The following CELF2 variants were observed in gnomAD, a reference collection of about 807,000 sequenced individuals.
CELF2 encodes CUG triplet repeat RNA-binding protein 2.
Under a neutral mutation model 62.6 loss-of-function variants are expected in CELF2, and 8 were observed. The observed-to-expected ratio is 0.13, with a 90% CI of 0.07 to 0.23. The LOEUF is 0.23. CELF2 is among the 10% of genes least tolerant of loss of function. The probability of loss-of-function intolerance (pLI) is 1.00; values close to 1 mark genes in which losing one functional copy is unlikely to be tolerated. For missense variants in CELF2, 333 were observed against 671.0 expected (o/e 0.50, Z 5.56); for synonymous variants, 258 against 250.0 (o/e 1.03, Z -0.30).
chr10:10,787,681 G>A, the CELF2 span, among the ~76,000 whole-genome samples: 2 of 152,124 alleles, frequency 1.3e-5, no homozygotes, highest in Non-Finnish European at 2.9e-5. Flanking sequence ...GTAAAGTCAG[G>A]GCTCTGTAGT....
chr10:10,499,246 A>G, the CELF2 span, among the ~76,000 whole-genome samples: 1 of 151,814 alleles, frequency 6.6e-6, no homozygotes, highest in African/African-American at 2.4e-5. Context: ...TTCTATTTTT[A>G]GTAGAGTTGG....
intron 2 of CELF2, among the ~76,000 whole-genome samples, chr10:11,180,547 G>A (rs1397618889): frequency 1.3e-5 from 2 of 152,156 alleles, no homozygotes. Context: ...CATGAAGGGG[G>A]CCCTTCCAGG....
chr10:10,890,734 G>T (rs1442035913), intron 1 of CELF2, among the ~76,000 whole-genome samples: 1 of 152,218 alleles, frequency 6.6e-6, no homozygotes, highest in South Asian at 2.1e-4. Flanking sequence ...ACCAGCATAG[G>T]CTGGGCGCTG....
At chr10:10,651,568 C>A in the CELF2 span, among the ~76,000 whole-genome samples, 4 of 135,898 alleles carry the variant, frequency 2.9e-5, no homozygotes, top group Non-Finnish European at 6.5e-5. Flanking sequence ...TGACCCCTGA[C>A]CCCCGAGCAG....
the CELF2 span, among the ~76,000 whole-genome samples, chr10:10,741,492 CAAAA>C: frequency 0.25 from 13,750 of 55,810 alleles, 389 homozygotes; most frequent in Non-Finnish European, 0.27. Flanking sequence ...GACTCCGTCT[CAAAA>C]AAAAAAAAAA....
Position 11,062,945 on chromosome 10 carries a change from C to G in CELF2, c.74+44782C>G, listed in dbSNP as rs543948318. Among the ~76,000 whole-genome samples, 16 of 152,258 alleles carry G rather than the reference C, an allele frequency of 1.1e-4. No homozygotes were observed. The South Asian group carries it at 1.7e-3, about 16-fold the overall frequency. ...TGCCACATCCTTCAGCAGCACCCCC[C>G]CCGCCATCAGTCAGTAGCCATCAGC... On this transcript the variant is annotated intron_variant, in intron 1 of 12. Coordinates refer to ENST00000633077, the MANE Select transcript of CELF2 (RefSeq NM_001326342.2).
intron 1 of CELF2, among the ~76,000 whole-genome samples, chr10:10,878,631 T>A (rs1242273916): frequency 1.3e-5 from 2 of 152,180 alleles, no homozygotes; most frequent in Non-Finnish European, 2.9e-5. Context: ...CTCAAGTTGG[T>A]CATTTGTGCT....
At chr10:10,999,119 CT>C (rs2136940819) in intron 2 of CELF2, among the ~76,000 whole-genome samples, 1 of 152,264 alleles carries the variant, frequency 6.6e-6, no homozygotes, top group South Asian at 2.1e-4. Context: ...CTTTTTGTCT[CT>C]CCCTGTTCTA....
the CELF2 span, among the ~76,000 whole-genome samples, chr10:10,544,574 G>A: frequency 6.6e-6 from 1 of 152,208 alleles, no homozygotes; most frequent in East Asian, 1.9e-4. Flanking sequence ...ATAAAGCTAT[G>A]AGTATACTAC....
intron 2 of CELF2, among the ~76,000 whole-genome samples, chr10:11,183,484 T>C (rs954708032): frequency 1.3e-5 from 2 of 152,260 alleles, no homozygotes; most frequent in Non-Finnish European, 2.9e-5. Flanking sequence ...GGCTGTATCA[T>C]ATAGTAGGTT....
chr10:11,089,030 A>T (rs1055925890), intron 1 of CELF2, among the ~76,000 whole-genome samples: 1 of 152,188 alleles, frequency 6.6e-6, no homozygotes, highest in Non-Finnish European at 1.5e-5. Flanking sequence ...GGAGCCTTCT[A>T]GTAGAACCAG....
At chr10:10,794,096 C>T (rs924520895), upstream of CELF2, among the ~76,000 whole-genome samples, 2 of 152,084 alleles carry the variant, frequency 1.3e-5, no homozygotes, top group African/African-American at 4.8e-5. Context: ...TATCTTGGAA[C>T]CCTTGACTAT....
chr10:10,574,919 T>G, the CELF2 span, among the ~76,000 whole-genome samples: 4 of 148,724 alleles, frequency 2.7e-5, no homozygotes, highest in Admixed American at 2.7e-4. Flanking sequence ...GGTTTCACCA[T>G]GTTGGCCAGG....
rs868147113 is a variant in CELF2, at chr10:11,223,734, G to A, written c.354+6227G>A. ...CAGAGTGTAGACCCAGCCCCAAGTC[G>A]GGCTCAGCCAGGTGCAACAGGATGG... On this transcript the variant is annotated intron_variant, in intron 3 of 12. Coordinates refer to ENST00000633077, the MANE Select transcript of CELF2 (RefSeq NM_001326342.2). The surrounding 1 kb of genome is among the most constrained non-coding windows in gnomAD (Gnocchi z 5.1). Among the ~76,000 whole-genome samples the A allele has an allele frequency of 6.6e-6, 1 of 152,130 alleles. No homozygotes were observed. The highest frequency in any genetic ancestry group is 2.4e-5 in the African/African-American group (1 of 41,416).
the CELF2 span, among the ~76,000 whole-genome samples, chr10:10,788,240 A>G: frequency 6.6e-6 from 1 of 152,172 alleles, no homozygotes; most frequent in East Asian, 1.9e-4. Flanking sequence ...GGTCAGAGGC[A>G]AACTTCAAAA....
intron 1 of CELF2, among the ~76,000 whole-genome samples, chr10:10,824,202 A>G (rs1040935061): frequency 6.6e-6 from 1 of 152,230 alleles, no homozygotes; most frequent in African/African-American, 2.4e-5. Flanking sequence ...AATCTATGCA[A>G]GAACTTTACG....
chr10:11,108,245 G>A (rs1335135136), intron 1 of CELF2, among the ~76,000 whole-genome samples: 1 of 150,536 alleles, frequency 6.6e-6, no homozygotes, highest in Non-Finnish European at 1.5e-5. Context: ...CCATTAGGAT[G>A]TGTCAACCCT....
In CELF2 at chr10:11,316,832, G is replaced by GT. The variant is rs1487673647; in HGVS notation, c.1096+2577dup. The GT allele has an allele frequency of 2.0e-5, 3 of 152,194 alleles. No homozygotes were observed. Among genetic ancestry groups the GT allele is most frequent in the African/African-American group, 7.2e-5 (3 of 41,442 alleles). 9.4% of individuals were successfully genotyped at this position (152,194 alleles called of 1,614,324 possible). ...AGTAGACAAGTAGCTCAATTAAACT[G>GT]TTTGAGTTTGATATCCTTTTTATTC... On this transcript the variant is annotated intron_variant, in intron 10 of 12. Coordinates refer to ENST00000633077, the MANE Select transcript of CELF2 (RefSeq NM_001326342.2). This position sits in a 1 kb window ranked among gnomAD's most constrained non-coding sequence, Gnocchi z 4.4.
chr10:11,249,782 A>G (rs1246642003), intron 4 of CELF2, among the ~76,000 whole-genome samples: 2 of 152,214 alleles, frequency 1.3e-5, no homozygotes, highest in Non-Finnish European at 2.9e-5. Flanking sequence ...TCCATAAACA[A>G]TTGGGTTTTG....
Sources: allele counts gnomAD v4.1 joint callset (sites outside exome capture counted in the v4.1 genomes callset), GRCh38; gene constraint gnomAD v4.1.1; non-coding constraint Gnocchi (gnomAD v3.1); transcripts MANE v1.5; gene names NCBI Gene and HGNC (gene_info 2026-07-23, HGNC 2026-07-21).